LAMA2: variants seen among roughly 807,000 people sequenced by gnomAD.
The protein encoded by LAMA2 is laminin subunit alpha 2, also known as laminin subunit alpha-2.
LAMA2 carries 269 observed loss-of-function variants against 364.8 expected under a neutral mutation model. The ratio of observed to expected loss-of-function variants is 0.74; its 90% confidence interval spans 0.67 to 0.82. LAMA2 has a LOEUF of 0.82. Ranked by LOEUF, LAMA2 falls within the 40% of genes least tolerant of loss-of-function variation. The probability of loss-of-function intolerance (pLI) is 0.00; values close to 1 mark genes in which losing one functional copy is unlikely to be tolerated. For synonymous variants in LAMA2, 1,379 were observed against 1,370.6 expected (o/e 1.01, Z -0.14); for missense variants, 3,807 against 3,873.2 (o/e 0.98, Z 0.45).
rs371481618 is a variant in LAMA2 at position 129,512,809 on chromosome 6, A to T, written c.8988+316A>T. ...CACACTCTTATTCTCCTCTTAAGGA[A>T]CACACAGTCTATGAGACTATGGACT... On this transcript the variant is annotated intron_variant, in intron 63 of 64. Transcript: ENST00000421865. 3.3e-5 allele frequency among the ~76,000 whole-genome samples: 5 copies of T among 152,330 alleles called. No homozygotes were observed. The East Asian group carries it at 7.7e-4, about 23-fold the overall frequency.
intron 32 of LAMA2, 71 bp downstream of exon 32, chr6:129,353,428 G>T: frequency 2.4e-6 from 3 of 1,262,418 alleles, no homozygotes; most frequent in Non-Finnish European, 3.5e-6. Context: ...CAATGAGAAA[G>T]AGTGACTCTC....
At chr6:129,476,621 T>C (rs1784078122) in intron 53 of LAMA2, among the ~76,000 whole-genome samples, 1 of 152,192 alleles carries the variant, frequency 6.6e-6, no homozygotes, top group South Asian at 2.1e-4. Context: ...CTATATAACT[T>C]GTAGGAGTGA....
chr6:128,934,165 T>C (rs1779669761), intron 1 of LAMA2, among the ~76,000 whole-genome samples: 1 of 152,240 alleles, frequency 6.6e-6, no homozygotes. Flanking sequence ...GGATATCTAG[T>C]TTCCCCAATA....
intron 62 of LAMA2, 52 bp downstream of exon 62, chr6:129,507,694 A>AGCAAGAAGTTAGT: frequency 6.4e-7 from 1 of 1,559,760 alleles, no homozygotes; most frequent in Non-Finnish European, 8.8e-7. Context: ...TACAAATACT[A>AGCAAGAAGTTAGT]ACTTCTTGCT....
chr6:128,959,104 C>A (rs1179026556), intron 1 of LAMA2, among the ~76,000 whole-genome samples: 1 of 152,028 alleles, frequency 6.6e-6, no homozygotes, highest in African/African-American at 2.4e-5. Context: ...TACATCGTTG[C>A]CTGGCATTAA....
intron 45 of LAMA2, among the ~76,000 whole-genome samples, chr6:129,446,539 CGAGGGGAGGG>C (rs773110471): frequency 5.7e-4 from 4 of 7,068 alleles, no homozygotes; most frequent in African/African-American, 9.2e-4. Flanking sequence ...GGAGGGGAGG[CGAGGGGAGGG>C]GAGGGGAGGG....
rs150596964 is a variant in LAMA2 at position 129,492,462 on chromosome 6, G to A, written c.8223G>A (p.Thr2741=). The change falls in exon 58 of 65, where the codon ACG becomes ACA. Residue 2741 remains threonine (T), a synonymous_variant. Coordinates refer to ENST00000421865, the MANE Select transcript of LAMA2 (RefSeq NM_000426.4). ...CAGTTCCCACCCCAGCCTTTCCTAC[G>A]CCCACCCCAGTTCTGACACATGTAA... ...PEPVPTPAFP[T]PTPVLTHGPC... 214 of 1,612,948 alleles carry A rather than the reference G, an allele frequency of 1.3e-4. 1 individual carries two copies. In the Middle Eastern group the frequency reaches 2.5e-3, roughly 19 times the overall value.
chr6:128,976,859 A>G (rs1388232085), intron 1 of LAMA2, among the ~76,000 whole-genome samples: 1 of 152,200 alleles, frequency 6.6e-6, no homozygotes, highest in Non-Finnish European at 1.5e-5. Flanking sequence ...AATGATTTAT[A>G]CAGTAGTCTT....
At chr6:129,141,786 G>C (rs538669382) in intron 4 of LAMA2, among the ~76,000 whole-genome samples, 2 of 152,114 alleles carry the variant, frequency 1.3e-5, no homozygotes, top group South Asian at 4.1e-4. Flanking sequence ...ACACTGTCCT[G>C]TACCCAAGCA....
chr6:129,402,578 C>T, intron 39 of LAMA2, 91 bp downstream of exon 39: 1 of 1,297,070 alleles, frequency 7.7e-7, no homozygotes, highest in Non-Finnish European at 1.1e-6. Context: ...ATTTTCAAAT[C>T]CTGATTTCTG....
At chr6:128,975,320 TGA>T (rs535897800) in intron 1 of LAMA2, among the ~76,000 whole-genome samples, 166 of 152,204 alleles carry the variant, frequency 1.1e-3, no homozygotes, top group African/African-American at 3.8e-3. Flanking sequence ...TTTTTAAAGA[TGA>T]GCAGGAGAAT....
chr6:129,028,466 A>G (rs539609510), intron 1 of LAMA2, among the ~76,000 whole-genome samples: 3 of 152,002 alleles, frequency 2.0e-5, no homozygotes, highest in African/African-American at 7.2e-5. Flanking sequence ...GAATCCATTT[A>G]TCAGTTTCAT....
chr6:129,181,783 A>C (rs920954676), intron 10 of LAMA2, among the ~76,000 whole-genome samples: 3 of 151,936 alleles, frequency 2.0e-5, no homozygotes, highest in Non-Finnish European at 4.4e-5. Context: ...CAATATTCAA[A>C]AAAATAATGA....
intron 1 of LAMA2, chr6:128,929,472 T>C (rs1779308917): frequency 1.2e-5 from 10 of 838,700 alleles, no homozygotes; most frequent in Non-Finnish European, 2.1e-5. Context: ...ATACCTCCAT[T>C]TGACAGACAG....
intron 52 of LAMA2, 91 bp from the exon 53 acceptor site, chr6:129,475,299 G>C: frequency 1.3e-6 from 1 of 793,198 alleles, no homozygotes. Context: ...AAAGATTTAT[G>C]ATTAAAGTTT....
At chr6:128,940,927 G>A (rs577292587) in intron 1 of LAMA2, among the ~76,000 whole-genome samples, 3 of 152,242 alleles carry the variant, frequency 2.0e-5, no homozygotes, top group African/African-American at 7.2e-5. Flanking sequence ...CTCCAGGCTG[G>A]GTGACAGAGC....
At chr6:129,441,184 T>G (rs1782097781) in intron 43 of LAMA2, among the ~76,000 whole-genome samples, 186 bp downstream of exon 43, 1 of 152,168 alleles carries the variant, frequency 6.6e-6, no homozygotes, top group South Asian at 2.1e-4. Context: ...GTCTTCTAGC[T>G]CTGCCCCGGT....
chr6:129,350,209 A>G (rs576007055), intron 31 of LAMA2, among the ~76,000 whole-genome samples: 138 of 152,362 alleles, frequency 9.1e-4, no homozygotes, highest in African/African-American at 3.2e-3. Flanking sequence ...TTATACACAC[A>G]TGATAGTTTT....
At chr6:128,886,612 T>C (rs963505726) in intron 1 of LAMA2, among the ~76,000 whole-genome samples, 4 of 152,148 alleles carry the variant, frequency 2.6e-5, no homozygotes, top group Non-Finnish European at 5.9e-5. Context: ...TCTTTCCATC[T>C]GAACAAGGAA....
Sources: allele counts gnomAD v4.1 joint callset (sites outside exome capture counted in the v4.1 genomes callset), GRCh38; gene constraint gnomAD v4.1.1; transcripts MANE v1.5; gene names NCBI Gene and HGNC (gene_info 2026-07-23, HGNC 2026-07-21).